The following GALNT18 variants were observed in gnomAD, a reference collection of about 807,000 sequenced individuals.
The protein encoded by GALNT18 is polypeptide N-acetylgalactosaminyltransferase 18, also known as GalNAc-transferase 18.
A neutral mutation model predicts 69.5 loss-of-function variants in GALNT18; 44 were observed. That is an observed-to-expected ratio of 0.63 (90% CI 0.50 to 0.81). The LOEUF (loss-of-function observed/expected upper bound fraction) is 0.81, where lower values mean the gene tolerates loss of function less well. Among genes scored for constraint, GALNT18 ranks in the 40% least tolerant of loss-of-function variants. The probability of loss-of-function intolerance (pLI) is 0.00; values close to 1 mark genes in which losing one functional copy is unlikely to be tolerated. For synonymous variants in GALNT18, 364 were observed against 318.2 expected (o/e 1.14, Z -1.53); for missense variants, 715 against 810.0 (o/e 0.88, Z 1.42).
intron 6 of GALNT18, among the ~76,000 whole-genome samples, chr11:11,342,651 C>T (rs1175992643): frequency 6.6e-6 from 1 of 152,218 alleles, no homozygotes; most frequent in African/African-American, 2.4e-5. Flanking sequence ...AGAAAGGAAA[C>T]TAACATCCTC....
At chr11:11,478,804 A>G (rs552248877) in intron 1 of GALNT18, among the ~76,000 whole-genome samples, 11 of 130,072 alleles carry the variant, frequency 8.5e-5, no homozygotes, top group East Asian at 2.5e-4. Flanking sequence ...GCGTTTCTCA[A>G]TTGGCTTCTA....
At chr11:11,294,502 A>G (rs10831575) in intron 9 of GALNT18, among the ~76,000 whole-genome samples, 13 of 151,584 alleles carry the variant, frequency 8.6e-5, no homozygotes, top group Admixed American at 2.0e-4. Flanking sequence ...CATAAGCAAG[A>G]CTTTCAAAGG....
At chr11:11,371,784 C>T (rs1850912914) in intron 6 of GALNT18, among the ~76,000 whole-genome samples, 1 of 152,148 alleles carries the variant, frequency 6.6e-6, no homozygotes, top group Non-Finnish European at 1.5e-5. Flanking sequence ...CTAACAGGAA[C>T]CTCAGATAAG....
intron 1 of GALNT18, among the ~76,000 whole-genome samples, chr11:11,561,295 C>G: frequency 6.6e-6 from 1 of 152,134 alleles, no homozygotes; most frequent in Non-Finnish European, 1.5e-5. Context: ...CCACTCGCAA[C>G]GCCACCCAGG....
intron 1 of GALNT18, among the ~76,000 whole-genome samples, chr11:11,594,830 T>TATATAC (rs1859448205): frequency 9.9e-5 from 3 of 30,226 alleles, no homozygotes; most frequent in Non-Finnish European, 3.0e-4. Context: ...TATATATATA[T>TATATAC]ATATATATAT....
chr11:11,437,994 C>T lies in GALNT18; in HGVS notation c.429-5207G>A, dbSNP rs1033998747. Among the ~76,000 whole-genome samples, 5 of 152,154 alleles carry T rather than the reference C, an allele frequency of 3.3e-5. No homozygotes were observed. The East Asian group carries it at 9.6e-4, about 29-fold the overall frequency. On this transcript the variant is annotated intron_variant, in intron 2 of 10. Transcript: ENST00000227756. ...TCCCCAGGCTTTTCCTGGAGAGTCC[C>T]TCCTCTCTCGGCTGTAGTCAGCATA...
Position 11,436,390 on chromosome 11 carries a change from T to C in GALNT18, c.429-3603A>G, listed in dbSNP as rs1590000154. Among the ~76,000 whole-genome samples the C allele has an allele frequency of 6.6e-6, 1 of 151,730 alleles. No homozygotes were observed. Among genetic ancestry groups the C allele is most frequent in the Admixed American group, 6.6e-5 (1 of 15,262 alleles). The stretch of plus-strand genomic sequence containing the variant: ...CATCCCCTTGCCACCATCGTGACTA[T>C]GTAGGGTGACAAGCTCATCCCAGTT... On this transcript the variant is annotated intron_variant, in intron 2 of 10. Transcript: ENST00000227756. This position sits in a 1 kb window ranked among gnomAD's most constrained non-coding sequence, Gnocchi z 4.5.
intron 10 of GALNT18, among the ~76,000 whole-genome samples, chr11:11,288,442 AGTCG>A (rs1849235504): frequency 6.6e-6 from 1 of 152,164 alleles, no homozygotes; most frequent in Non-Finnish European, 1.5e-5. Context: ...CTGCAGACCA[AGTCG>A]GTCATCCCAG....
chr11:11,453,138 G>A (rs535463004), intron 1 of GALNT18, among the ~76,000 whole-genome samples: 6 of 152,276 alleles, frequency 3.9e-5, no homozygotes, highest in East Asian at 1.9e-4. Flanking sequence ...GGGACCAAGC[G>A]GTGCTTGAGT....
At chr11:11,412,062 A>C (rs1248784674) in intron 3 of GALNT18, among the ~76,000 whole-genome samples, 1 of 152,090 alleles carries the variant, frequency 6.6e-6, no homozygotes, top group East Asian at 1.9e-4. Context: ...GGGATAGGTG[A>C]ACTGGCCAGC....
In GALNT18 at chr11:11,340,331, C is replaced by T. The variant is rs1850181761; in HGVS notation, c.1278+488G>A. Reference sequence around the variant, plus strand: ...AGGTCCCTGTAGGTGTGCCCCCATCCCCATACACGTGGCTCAAGAAACCTG... The same window carrying T: ...AGGTCCCTGTAGGTGTGCCCCCATCTCCATACACGTGGCTCAAGAAACCTG... On this transcript the variant is annotated intron_variant, in intron 7 of 10. Transcript: ENST00000227756. This position sits in a 1 kb window ranked among gnomAD's most constrained non-coding sequence, Gnocchi z 4.2. Among the ~76,000 whole-genome samples the T allele has an allele frequency of 1.1e-5, 1 of 91,492 alleles. No individual in the cohort carries two copies. Among genetic ancestry groups the T allele is most frequent in the African/African-American group, 5.1e-5 (1 of 19,598 alleles). 60.0% of individuals were successfully genotyped at this position (91,492 alleles called of 152,430 possible).
chr11:11,545,747 A>G (rs1263316052), intron 1 of GALNT18, among the ~76,000 whole-genome samples: 1 of 152,138 alleles, frequency 6.6e-6, no homozygotes, highest in Non-Finnish European at 1.5e-5. Flanking sequence ...AAGCCAGGGG[A>G]AGGAACAGAA....
chr11:11,311,315 C>T (rs756325347), intron 9 of GALNT18, among the ~76,000 whole-genome samples: 14 of 152,142 alleles, frequency 9.2e-5, no homozygotes, highest in Non-Finnish European at 4.4e-5. Context: ...AGAGGAAGTG[C>T]CTTCGGGGAG....
At chr11:11,410,832 C>T (rs1407065814) in intron 3 of GALNT18, among the ~76,000 whole-genome samples, 3 of 152,160 alleles carry the variant, frequency 2.0e-5, no homozygotes, top group African/African-American at 7.2e-5. Context: ...GCCTGGGTGA[C>T]CCTTACTTAA....
chr11:11,325,832 C>G (rs898012879), intron 9 of GALNT18, among the ~76,000 whole-genome samples: 7 of 152,080 alleles, frequency 4.6e-5, no homozygotes, highest in African/African-American at 1.7e-4. Flanking sequence ...TGCAATTAAC[C>G]AGCCAGTAAT....
intron 6 of GALNT18, among the ~76,000 whole-genome samples, chr11:11,371,912 T>C (rs1364856050): frequency 6.6e-6 from 1 of 152,192 alleles, no homozygotes; most frequent in African/African-American, 2.4e-5. Flanking sequence ...ATCCATGCCA[T>C]GAGCTGATTG....
At chr11:11,393,981 C>A (rs1020748544) in intron 3 of GALNT18, among the ~76,000 whole-genome samples, 1 of 152,126 alleles carries the variant, frequency 6.6e-6, no homozygotes, top group African/African-American at 2.4e-5. Context: ...ACTGGGTGTG[C>A]GGCAGCCCTG....
chr11:11,337,898 T>G lies in GALNT18; in HGVS notation c.1278+2921A>C, dbSNP rs1346844799. ...GGCAGAGGAGAAAGCATGGGAACTT[T>G]TGATGCCATGCCAAACACTGGGCTT... On this transcript the variant is annotated intron_variant, in intron 7 of 10. Transcript: ENST00000227756. This position sits in a 1 kb window ranked among gnomAD's most constrained non-coding sequence, Gnocchi z 4.9. Among the ~76,000 whole-genome samples the G allele has an allele frequency of 6.6e-6, 1 of 152,074 alleles. No homozygotes were observed. The highest frequency in any genetic ancestry group is 1.5e-5 in the Non-Finnish European group (1 of 68,016).
At chr11:11,571,271 T>C (rs1431023672) in intron 1 of GALNT18, among the ~76,000 whole-genome samples, 1 of 152,190 alleles carries the variant, frequency 6.6e-6, no homozygotes, top group East Asian at 1.9e-4. Context: ...ATAGCTACCT[T>C]CAGACACAAA....
Sources: allele counts gnomAD v4.1 joint callset (sites outside exome capture counted in the v4.1 genomes callset), GRCh38; gene constraint gnomAD v4.1.1; non-coding constraint Gnocchi (gnomAD v3.1); transcripts MANE v1.5; gene names NCBI Gene and HGNC (gene_info 2026-07-23, HGNC 2026-07-21).